DOK5: variants seen among roughly 807,000 people sequenced by gnomAD.
DOK5 encodes downstream of tyrosine kinase 5.
DOK5 carries 27 observed loss-of-function variants against 43.3 expected under a neutral mutation model. The observed-to-expected ratio is 0.62, with a 90% CI of 0.46 to 0.86. DOK5 has a LOEUF of 0.86. Ranked by LOEUF, DOK5 falls within the 40% of genes least tolerant of loss-of-function variation. The pLI, the probability that DOK5 is intolerant of heterozygous loss-of-function variation, is 0.00. For missense variants in DOK5, 373 were observed against 392.9 expected (o/e 0.95, Z 0.43); for synonymous variants, 146 against 140.1 (o/e 1.04, Z -0.30).
intron 5 of DOK5, among the ~76,000 whole-genome samples, chr20:54,604,171 C>T (rs1344747406): frequency 6.6e-6 from 1 of 151,972 alleles, no homozygotes; most frequent in Non-Finnish European, 1.5e-5. Context: ...TGGTCTCGAT[C>T]TCCTGACCTA....
intron 1 of DOK5, among the ~76,000 whole-genome samples, chr20:54,531,573 C>T (rs996923234): frequency 1.4e-4 from 21 of 152,190 alleles, no homozygotes; most frequent in African/African-American, 3.9e-4. Context: ...GAGTCTCTTG[C>T]CTCCACGTAT....
intron 6 of DOK5, among the ~76,000 whole-genome samples, chr20:54,635,915 A>G (rs6014095): frequency 0.024 from 3,691 of 152,352 alleles, 142 homozygotes; most frequent in African/African-American, 0.084. Flanking sequence ...AAGACTGGGT[A>G]ATTTATAATG....
intron 6 of DOK5, among the ~76,000 whole-genome samples, chr20:54,639,434 A>T (rs1203243558): frequency 1.3e-5 from 2 of 152,052 alleles, no homozygotes; most frequent in Non-Finnish European, 2.9e-5. Context: ...AGTAACAATG[A>T]CTCTGGTTGT....
At chr20:54,645,232 GCCTTAGTCCTCCATGCTCGCTCTGAAC>G (rs1979350259) in intron 7 of DOK5, among the ~76,000 whole-genome samples, 1 of 151,342 alleles carries the variant, frequency 6.6e-6, no homozygotes, top group Non-Finnish European at 1.5e-5. Context: ...GAAGACTATG[GCCTTAGTCCTCCATGCTCGCTCTGAAC>G]CCTCAGTCCT....
chr20:54,517,586 C>T (rs983027924), intron 1 of DOK5, among the ~76,000 whole-genome samples: 3 of 151,984 alleles, frequency 2.0e-5, no homozygotes, highest in South Asian at 2.1e-4. Flanking sequence ...TTTATAATAA[C>T]GATGAAGGTG....
chr20:54,532,257 C>A (rs73911936), intron 1 of DOK5, among the ~76,000 whole-genome samples: 3,619 of 152,262 alleles, frequency 0.024, 143 homozygotes, highest in African/African-American at 0.082. Flanking sequence ...GGTTAAACAA[C>A]CTGCCCAAGG....
chr20:54,495,098 C>G (rs192329303), intron 1 of DOK5: 7 of 151,854 alleles, frequency 4.6e-5, no homozygotes, highest in African/African-American at 1.7e-4. Flanking sequence ...TTAAAATGCC[C>G]CAATCTCCTC....
At chr20:54,527,128 G>T (rs547749955) in intron 1 of DOK5, among the ~76,000 whole-genome samples, 41 of 152,108 alleles carry the variant, frequency 2.7e-4, no homozygotes, top group African/African-American at 8.9e-4. Flanking sequence ...TGAGCAACTT[G>T]CCTGAAAACA....
chr20:54,485,064 G>A (rs1389357019), intron 1 of DOK5, among the ~76,000 whole-genome samples: 1 of 152,214 alleles, frequency 6.6e-6, no homozygotes, highest in East Asian at 1.9e-4. Flanking sequence ...GGGCATGATG[G>A]CTCACGCCTG....
At chr20:54,627,759 C>A (rs1221295179) in intron 6 of DOK5, among the ~76,000 whole-genome samples, 1 of 152,182 alleles carries the variant, frequency 6.6e-6, no homozygotes, top group Non-Finnish European at 1.5e-5. Flanking sequence ...AGGCCTGGGG[C>A]AGGGCATTGA....
intron 1 of DOK5, among the ~76,000 whole-genome samples, chr20:54,535,119 C>A (rs1416397937): frequency 6.6e-6 from 1 of 152,154 alleles, no homozygotes; most frequent in African/African-American, 2.4e-5. Context: ...GTGTGAGCCA[C>A]CACACCCAGC....
At chr20:54,507,837 CA>C (rs1391351358) in intron 1 of DOK5, among the ~76,000 whole-genome samples, 2 of 152,156 alleles carry the variant, frequency 1.3e-5, no homozygotes, top group Non-Finnish European at 1.5e-5. Context: ...AGTCATATCA[CA>C]ATGGAGAATT....
At chr20:54,544,181 T>A (rs1984261568) in intron 1 of DOK5, among the ~76,000 whole-genome samples, 1 of 152,216 alleles carries the variant, frequency 6.6e-6, no homozygotes. Context: ...AAATATATCT[T>A]GATATCCACT....
At chr20:54,586,648 T>A (rs763844045) in intron 2 of DOK5, among the ~76,000 whole-genome samples, 3 of 152,128 alleles carry the variant, frequency 2.0e-5, no homozygotes, top group African/African-American at 4.8e-5. Context: ...GTATAGGACA[T>A]CATTGGATGG....
chr20:54,621,046 A>G (rs889860048), intron 6 of DOK5, among the ~76,000 whole-genome samples: 3 of 152,256 alleles, frequency 2.0e-5, no homozygotes, highest in African/African-American at 7.2e-5. Flanking sequence ...AGAGAGTCAT[A>G]TATAATCATA....
At chr20:54,566,595 G>A (rs181629241) in intron 2 of DOK5, among the ~76,000 whole-genome samples, 34 of 152,236 alleles carry the variant, frequency 2.2e-4, no homozygotes, top group Non-Finnish European at 3.2e-4. Flanking sequence ...TTGGCATTTG[G>A]TGGTGTCACT....
chr20:54,553,257 G>T (rs915337849), intron 1 of DOK5, among the ~76,000 whole-genome samples: 1 of 152,066 alleles, frequency 6.6e-6, no homozygotes, highest in Admixed American at 6.5e-5. Flanking sequence ...GTGCAGTGGC[G>T]CCATCTCGGC....
intron 1 of DOK5, among the ~76,000 whole-genome samples, chr20:54,506,845 G>C (rs1221487830): frequency 6.6e-6 from 1 of 152,226 alleles, no homozygotes; most frequent in Non-Finnish European, 1.5e-5. Flanking sequence ...TGGGGAGATA[G>C]AGAAACACCT....
rs1395722990 is a variant in DOK5, at chr20:54,492,572, AG to A, written c.66+16561del. ...ATTTCTAAGATAAGTCCTAAAAAAAAGAGTTACTCTTACACAGTTGTGTACA... is the reference window on the plus strand; with the variant it reads ...ATTTCTAAGATAAGTCCTAAAAAAAAAGTTACTCTTACACAGTTGTGTACA... On this transcript the variant is annotated intron_variant, in intron 1 of 7. Transcript: ENST00000262593. 2.0e-4 allele frequency among the ~76,000 whole-genome samples: 31 copies of A among 152,300 alleles called. 1 individual carries two copies. Among genetic ancestry groups the A allele is most frequent in the African/African-American group, 7.5e-4 (31 of 41,566 alleles).
Sources: gnomAD v4.1 joint callset for allele counts (sites outside exome capture counted in the v4.1 genomes callset) on GRCh38, gnomAD v4.1.1 for gene constraint, MANE v1.5 for transcripts, NCBI Gene and HGNC (gene_info 2026-07-23, HGNC 2026-07-21) for gene names.